Variants in PHRF1 observed in about 807,000 individuals in gnomAD.
PHRF1 encodes PHD and ring finger domains 1, also known as PHD and RING finger domain-containing protein 1.
A neutral mutation model predicts 128.9 loss-of-function variants in PHRF1; 53 were observed. The ratio of observed to expected loss-of-function variants is 0.41; its 90% CI spans 0.33 to 0.52. PHRF1 has a LOEUF of 0.52. Among genes scored for constraint, PHRF1 ranks in the 20% least tolerant of loss-of-function variants. The probability of loss-of-function intolerance (pLI) is 0.21; values close to 1 mark genes in which losing one functional copy is unlikely to be tolerated. For synonymous variants in PHRF1, 1,178 were observed against 980.6 expected (o/e 1.20, Z -3.76); for missense variants, 2,503 against 2,284.5 (o/e 1.10, Z -1.95).
chr11:585,603 C>CTTCAACTCTT lies in PHRF1; in HGVS notation c.215-1654_215-1653insCAACTCTTTT, dbSNP rs1564841240. On this transcript the variant is annotated intron_variant, in intron 3 of 17. Transcript: ENST00000264555. ...CCCTTTCCAGCTTGAGGTAGTAGCC[C>CTTCAACTCTT]TTTCCAGCTTGAGGTAGTAGCCCTT... Among the ~76,000 whole-genome samples the CTTCAACTCTT allele has an allele frequency of 9.0e-5, 9 of 100,296 alleles. 1 individual carries two copies. Among genetic ancestry groups the CTTCAACTCTT allele is most frequent in the East Asian group, 3.1e-4 (1 of 3,214 alleles). 65.8% of individuals were successfully genotyped at this position (100,296 alleles called of 152,430 possible). A position where few individuals can be genotyped will look rare whatever the true frequency, so the allele number is the denominator to read the frequency against.
At chr11:588,505 G>A (rs938338355) in intron 4 of PHRF1, among the ~76,000 whole-genome samples, 18 of 151,692 alleles carry the variant, frequency 1.2e-4, no homozygotes, top group Admixed American at 2.0e-4. Flanking sequence ...TCAGCCTCCC[G>A]CGTAGCTGGA....
chr11:608,405 A>C lies in PHRF1; in HGVS notation c.2949A>C (p.Arg983Ser). 6.2e-7 allele frequency: 1 copy of C among 1,611,680 alleles called. No homozygotes were observed. Among genetic ancestry groups the C allele is most frequent in the South Asian group, 1.1e-5 (1 of 90,942 alleles). ...ACGTGCTGCAGGCTGCCACCCACAG[A>C]GTCGTGGAGCTCAGGCCCCCTTCCC... ...SPDVLQAATH[R>S]VVELRPPSRS... is the part of the protein sequence containing the mutation. Residue 983 changes from arginine (R) to serine (S), a missense_variant, in exon 14 of 18, where the codon AGA (arginine) becomes AGC (serine). Transcript: ENST00000264555.
In PHRF1 at chr11:598,595, C is replaced by G. The variant is rs111659639; in HGVS notation, c.1024+93C>G. ...GCTTCCCTCAAGGCTGTGGGCATTT[C>G]CATTTCTTCTTTCTGCAAGTTAATC... is the stretch of plus-strand genomic sequence containing the variant. On this transcript the variant is annotated intron_variant, in intron 9 of 17. Transcript: ENST00000264555. 2,728 of 1,456,278 alleles carry G rather than the reference C, an allele frequency of 1.9e-3. 48 individuals carry two copies. The African/African-American group carries it at 0.034, about 18-fold the overall frequency. The allele number at this position is 1,456,278 out of a possible 1,614,324, so 90.2% of individuals were successfully genotyped here.
rs181305543 is a variant in PHRF1 at position 600,601 on chromosome 11, C to T, written c.1025-973C>T. On this transcript the variant is annotated intron_variant, in intron 9 of 17. Coordinates refer to ENST00000264555, the MANE Select transcript of PHRF1 (RefSeq NM_001286581.2). ...ATCCCAGCACTTTGGGAGGCTGAGG[C>T]GGGTGTGTCACCTGAGATCAGGAGT... Among the ~76,000 whole-genome samples the T allele has an allele frequency of 4.0e-3, 599 of 151,124 alleles. 1 individual carries two copies. The highest frequency in any genetic ancestry group is 6.9e-3 in the Middle Eastern group (2 of 290).
Position 607,201 on chromosome 11 carries a change from G to T in PHRF1, c.1745G>T (p.Gly582Val). The change falls in exon 14 of 18, where the codon GGG (glycine) becomes GTG (valine). Residue 582 changes from glycine to valine, a missense_variant. By Grantham distance (109) the Gly-to-Val change is moderately radical. Transcript: ENST00000264555. Reference protein sequence around the residue: ...GPSGNRPQSTGLSCQGRSRTP... With the variant: ...GPSGNRPQSTVLSCQGRSRTP... ...TCAGGAAACAGGCCACAGAGCACAG[G>T]GCTCAGCTGTCAAGGCAGGTCCCGC... 2 of 1,612,466 alleles carry T rather than the reference G, an allele frequency of 1.2e-6. No individual in the cohort carries two copies. The highest frequency in any genetic ancestry group is 1.7e-6 in the Non-Finnish European group (2 of 1,179,762).
At chr11:590,701 A>G (rs749052271) in intron 4 of PHRF1, among the ~76,000 whole-genome samples, 1 of 152,162 alleles carries the variant, frequency 6.6e-6, no homozygotes, top group South Asian at 2.1e-4. Flanking sequence ...TATCCATACT[A>G]TGAAAGTAAA....
At position 610,294 on chromosome 11, in the gene PHRF1, T is replaced by C; in HGVS notation, c.4363T>C (p.Phe1455Leu). 1 of 1,563,964 alleles carries C rather than the reference T, an allele frequency of 6.4e-7. No individual in the cohort carries two copies. ...CAGGCAGGTGTTCTCCGAGCTGCCC[T>C]TTCCCAGTCACGTGCTTCCGGAACC... is the stretch of plus-strand genomic sequence containing the variant. ...GVRQVFSELP[F>L]PSHVLPEPGF... The change falls in exon 15 of 18, where the codon TTT becomes CTT. Residue 1455 changes from phenylalanine (F) to leucine (L), a missense_variant. Coordinates refer to ENST00000264555, the MANE Select transcript of PHRF1 (RefSeq NM_001286581.2).
chr11:606,656 G>C (rs936470), intron 13 of PHRF1, 60 bp downstream of exon 13: 1,310,102 of 1,530,004 alleles, frequency 0.86, 561,866 homozygotes, highest in Middle Eastern at 0.88. Flanking sequence ...CAGGCTGTTC[G>C]CAAGCACTCA....
intron 6 of PHRF1, among the ~76,000 whole-genome samples, chr11:595,166 T>C (rs1855207495): frequency 6.6e-6 from 1 of 152,024 alleles, no homozygotes; most frequent in Non-Finnish European, 1.5e-5. Flanking sequence ...CTACTAAAAA[T>C]AAAAAAATTG....
intron 2 of PHRF1, 84 bp from the exon 3 acceptor site, chr11:581,878 C>T: frequency 1.4e-6 from 2 of 1,471,444 alleles, no homozygotes; most frequent in Non-Finnish European, 1.8e-6. Context: ...GCTCCTGACG[C>T]CTCTATGCCT....
intron 10 of PHRF1, among the ~76,000 whole-genome samples, chr11:604,294 C>T (rs1855817499): frequency 6.6e-6 from 1 of 152,230 alleles, no homozygotes; most frequent in South Asian, 2.1e-4. Context: ...TCTGGGACCA[C>T]AGCCTGGGGG....
At chr11:594,049 C>T (rs944386928) in intron 6 of PHRF1, among the ~76,000 whole-genome samples, 2 of 152,130 alleles carry the variant, frequency 1.3e-5, no homozygotes, top group African/African-American at 2.4e-5. Context: ...CAGCCCTGGG[C>T]ACAGTGCTTA....
intron 4 of PHRF1, among the ~76,000 whole-genome samples, chr11:591,102 A>G (rs1179693118): frequency 6.6e-6 from 1 of 152,238 alleles, no homozygotes; most frequent in Non-Finnish European, 1.5e-5. Flanking sequence ...GGGCCTGTGC[A>G]CAATGCCGCC....
chr11:604,655 C>T (rs1855838537), intron 10 of PHRF1, among the ~76,000 whole-genome samples: 1 of 152,170 alleles, frequency 6.6e-6, no homozygotes. Flanking sequence ...GCTGGGATTA[C>T]AGGCGTCCGC....
chr11:579,253 C>CTT (rs150479813), intron 1 of PHRF1, among the ~76,000 whole-genome samples: 87 of 82,522 alleles, frequency 1.1e-3, no homozygotes, highest in Non-Finnish European at 2.0e-3. Context: ...CAGCCCTGCT[C>CTT]CTCCCCCCAG....
intron 1 of PHRF1, among the ~76,000 whole-genome samples, chr11:578,051 C>T (rs369955493): frequency 3.3e-5 from 5 of 152,340 alleles, no homozygotes; most frequent in Admixed American, 6.5e-5. Context: ...GCTTCCTGGC[C>T]TGTGGCCTGG....
Position 587,259 on chromosome 11 carries a change from G to A in PHRF1, c.215G>A (p.Gly72Asp), listed in dbSNP as rs770542633. 5.1e-5 allele frequency: 83 copies of A among 1,613,102 alleles called. No individual in the cohort carries two copies. The highest frequency in any genetic ancestry group is 6.9e-5 in the Non-Finnish European group (81 of 1,179,782). Residue 72 changes from glycine to aspartate, a missense_variant and splice_region_variant, in exon 4 of 18, where the codon GGT becomes GAT. Physicochemically the swap from Gly to Asp is moderately conservative, Grantham distance 94. Coordinates refer to ENST00000264555, the MANE Select transcript of PHRF1 (RefSeq NM_001286581.2). Reference protein sequence around the residue: ...SEEEDLEDRSGSEDSEDDGET... With the variant: ...SEEEDLEDRSDSEDSEDDGET... ...ACCAGCTGGCATGTTTCCTCTCCAG[G>A]TTCCGAGGATTCTGAAGACGACGGG...
At chr11:590,929 C>T (rs1854933604) in intron 4 of PHRF1, among the ~76,000 whole-genome samples, 1 of 152,138 alleles carries the variant, frequency 6.6e-6, no homozygotes, top group Admixed American at 6.5e-5. Context: ...TCTCGAACTC[C>T]CGACCTCAGG....
At chr11:577,100 T>G (rs1853907072) in intron 1 of PHRF1, among the ~76,000 whole-genome samples, 1 of 152,182 alleles carries the variant, frequency 6.6e-6, no homozygotes, top group African/African-American at 2.4e-5. Context: ...GTCGTGGGCT[T>G]CTGGCCTTGT....
Sources: gnomAD v4.1 joint callset for allele counts (sites outside exome capture counted in the v4.1 genomes callset) on GRCh38, gnomAD v4.1.1 for gene constraint, MANE v1.5 for transcripts, NCBI Gene and HGNC (gene_info 2026-07-23, HGNC 2026-07-21) for gene names.